The following GJA3 variants were observed in gnomAD, a reference collection of about 807,000 sequenced individuals.
GJA3 encodes gap junction alpha-3 protein.
For synonymous variants in GJA3, 297 were observed against 292.6 expected (o/e 1.02, Z -0.15); for missense variants, 571 against 620.3 (o/e 0.92, Z 0.84).
In GJA3 at chr13:20,142,775, C is replaced by T. The variant is rs760741861; in HGVS notation, c.514G>A (p.Gly172Ser). Residue 172 changes from glycine to serine, a missense_variant, in exon 2 of 2, where the codon GGC becomes AGC. Gly to Ser is a moderately conservative substitution (Grantham distance 56). Transcript: ENST00000241125. The part of the protein sequence containing the change: ...GFIAGQYFLY[G>S]FELKPLYRCD... The stretch of plus-strand genomic sequence containing the variant: ...CGGTAGAGCGGCTTCAGCTCGAAGC[C>T]GTACAGAAAGTACTGGCCGGCGATG... The T allele has an allele frequency of 3.1e-6, 5 of 1,613,624 alleles. No individual in the cohort carries two copies. Among genetic ancestry groups the T allele is most frequent in the South Asian group, 1.1e-5 (1 of 91,088 alleles).
chr13:20,150,448 C>T lies in GJA3; in HGVS notation c.-17-7143G>A, dbSNP rs185901290. 2.1e-3 allele frequency among the ~76,000 whole-genome samples: 314 copies of T among 152,112 alleles called. 2 individuals carry two copies. The highest frequency in any genetic ancestry group is 7.3e-3 in the African/African-American group (304 of 41,498). On this transcript the variant is annotated intron_variant, in intron 1 of 1. Coordinates refer to ENST00000241125, the MANE Select transcript of GJA3 (RefSeq NM_021954.4). ...GACTAAGACTGGGCCGGGAGGACCG[C>T]GTCCTGCACAGCGTGGGGGAAGGCA...
chr13:20,142,336 T>TGGC lies in GJA3; in HGVS notation c.950_952dup (p.Gly317_His318insArg). The TGGC allele has an allele frequency of 6.4e-7, 1 of 1,566,398 alleles. No homozygotes were observed. Among genetic ancestry groups the TGGC allele is most frequent in the Non-Finnish European group, 8.6e-7 (1 of 1,156,902 alleles). ...CTGCTCAGTCATCAGCAGGTGGTGG[T>TGGC]GGCCGTTGTAGAGCTTGGCGGACTG... On this transcript the variant is annotated inframe_insertion, in exon 2 of 2. Transcript: ENST00000241125.
At chr13:20,148,802 C>T (rs553325260) in intron 1 of GJA3, among the ~76,000 whole-genome samples, 2 of 152,356 alleles carry the variant, frequency 1.3e-5, no homozygotes, top group African/African-American at 4.8e-5. Flanking sequence ...GGTGTGATCG[C>T]TTAACCTTGC....
chr13:20,148,765 T>G (rs1443356719), intron 1 of GJA3, among the ~76,000 whole-genome samples: 1 of 152,254 alleles, frequency 6.6e-6, no homozygotes, highest in Non-Finnish European at 1.5e-5. Flanking sequence ...AGACGGGCTT[T>G]CGCTCATCAC....
intron 1 of GJA3, among the ~76,000 whole-genome samples, chr13:20,151,777 G>T (rs889025284): frequency 4.6e-5 from 7 of 152,294 alleles, no homozygotes; most frequent in South Asian, 2.1e-4. Context: ...TCTCACTTCA[G>T]TGTGCTGGGA....
At position 20,142,966 on chromosome 13, in the gene GJA3, T is replaced by C. The variant is rs1337718192; in HGVS notation, c.323A>G (p.Glu108Gly). 3 of 1,583,170 alleles carry C rather than the reference T, an allele frequency of 1.9e-6. No homozygotes were observed. Among genetic ancestry groups the C allele is most frequent in the Non-Finnish European group, 2.6e-6 (3 of 1,164,676 alleles). ...CTTCAGCTGCTCCTCCTCCTCCCTC[T>C]CTTTCTTCTTCTCTTCCATGCGCAC... is the stretch of plus-strand genomic sequence containing the variant. ...HIVRMEEKKK[E>G]REEEEQLKRE... Residue 108 changes from glutamate (E) to glycine (G), a missense_variant, in exon 2 of 2, where the codon GAG becomes GGG. Physicochemically the swap from Glu to Gly is moderately conservative, Grantham distance 98 (BLOSUM62 -2). Transcript: ENST00000241125.
chr13:20,153,071 G>A (rs6490522), intron 1 of GJA3, among the ~76,000 whole-genome samples: 37,723 of 152,068 alleles, frequency 0.25, 6,457 homozygotes, highest in African/African-American at 0.49. Flanking sequence ...CCTATTTCAA[G>A]CTTTTGCACC....
At chr13:20,153,331 C>T (rs1345704539) in intron 1 of GJA3, among the ~76,000 whole-genome samples, 2 of 152,164 alleles carry the variant, frequency 1.3e-5, no homozygotes, top group African/African-American at 2.4e-5. Flanking sequence ...GACACAAGCA[C>T]ATGTATGTTT....
At chr13:20,159,297 A>G (rs926701548) in intron 1 of GJA3, among the ~76,000 whole-genome samples, 6 of 151,880 alleles carry the variant, frequency 4.0e-5, no homozygotes, top group Non-Finnish European at 8.8e-5. Context: ...AACAGATCAA[A>G]ATGTAAGTAC....
At chr13:20,144,986 G>A (rs1001490394) in intron 1 of GJA3, among the ~76,000 whole-genome samples, 2 of 152,206 alleles carry the variant, frequency 1.3e-5, no homozygotes, top group Admixed American at 1.3e-4. Context: ...TTCAAGAATA[G>A]CCTGGCCCAC....
intron 1 of GJA3, among the ~76,000 whole-genome samples, chr13:20,159,755 T>C (rs1321678069): frequency 6.6e-6 from 1 of 152,190 alleles, no homozygotes; most frequent in Non-Finnish European, 1.5e-5. Context: ...AACACATGCA[T>C]TGCCCTTATG....
intron 1 of GJA3, among the ~76,000 whole-genome samples, chr13:20,144,665 G>A (rs888575448): frequency 6.6e-6 from 1 of 152,194 alleles, no homozygotes; most frequent in African/African-American, 2.4e-5. Flanking sequence ...TCATACACAG[G>A]GATGGAGGGA....
intron 1 of GJA3, among the ~76,000 whole-genome samples, chr13:20,160,007 AG>A (rs1387926256): frequency 1.4e-4 from 21 of 152,200 alleles, no homozygotes; most frequent in African/African-American, 5.1e-4. Context: ...CTGTTTGTAT[AG>A]AATCATTTTT....
rs36097117 is a variant in GJA3 at position 20,157,876 on chromosome 13, CTT to C, written c.-18+3012_-18+3013del. On this transcript the variant is annotated intron_variant, in intron 1 of 1. Coordinates refer to ENST00000241125, the MANE Select transcript of GJA3 (RefSeq NM_021954.4). ...TTACTTCATCACAAATTTGAATTAT[CTT>C]TTTTTTTTTTTCTGTCACACTTATG... Among the ~76,000 whole-genome samples the C allele has an allele frequency of 8.4e-4, 124 of 147,798 alleles. 5 individuals are homozygous for C. The highest frequency in any genetic ancestry group is 1.7e-3 in the South Asian group (8 of 4,658).
chr13:20,143,030 T>A lies in GJA3; in HGVS notation c.259A>T (p.Thr87Ser). The A allele has an allele frequency of 6.2e-7, 1 of 1,612,646 alleles. No homozygotes were observed. Among genetic ancestry groups the A allele is most frequent in the Non-Finnish European group, 8.5e-7 (1 of 1,179,372 alleles). ...FWALQIIFVS[T>S]PTLIYLGHVL... ...TGGCCCAGGTAGATGAGGGTGGGCG[T>A]GGACACGAAGATGATCTGCAGCGCC... Residue 87 changes from threonine to serine, a missense_variant, in exon 2 of 2, where the codon ACG (threonine) becomes TCG (serine). By Grantham distance (58) the Thr-to-Ser change is moderately conservative. Transcript: ENST00000241125.
intron 1 of GJA3, among the ~76,000 whole-genome samples, chr13:20,145,657 C>T (rs1377416780): frequency 6.6e-6 from 1 of 152,234 alleles, no homozygotes; most frequent in Non-Finnish European, 1.5e-5. Flanking sequence ...CCCAGCCACG[C>T]TGAAGCCTGA....
chr13:20,142,308 G>T lies in GJA3; in HGVS notation c.981C>A (p.Asn327Lys), dbSNP rs745647356. The change falls in exon 2 of 2, where the codon AAC becomes AAA. Residue 327 changes from asparagine (N) to lysine (K), a missense_variant. Asn to Lys is a moderately conservative substitution (Grantham distance 94). Transcript: ENST00000241125. ...GCCGCTCGGCCGCCTGGTTGGCCCA[G>T]TTCTGCTCAGTCATCAGCAGGTGGT... The part of the protein sequence containing the change: ...GHHHLLMTEQ[N>K]WANQAAERQP... The T allele has an allele frequency of 8.3e-6, 13 of 1,575,080 alleles. No individual in the cohort carries two copies. The South Asian group carries it at 1.3e-4, about 15-fold the overall frequency.
At chr13:20,150,680 G>A (rs888978894) in intron 1 of GJA3, among the ~76,000 whole-genome samples, 6 of 152,278 alleles carry the variant, frequency 3.9e-5, no homozygotes, top group African/African-American at 1.2e-4. Context: ...TGGGACCCTC[G>A]ATGCGATCCC....
intron 1 of GJA3, among the ~76,000 whole-genome samples, chr13:20,145,196 T>A (rs1036496477): frequency 5.3e-5 from 8 of 152,164 alleles, no homozygotes; most frequent in African/African-American, 1.9e-4. Context: ...AAATTTTTTT[T>A]TAAATATTAA....
Sources: allele counts gnomAD v4.1 joint callset (sites outside exome capture counted in the v4.1 genomes callset), GRCh38; gene constraint gnomAD v4.1.1; transcripts MANE v1.5; gene names NCBI Gene and HGNC (gene_info 2026-07-23, HGNC 2026-07-21).